The following IQCB1 variants were observed in gnomAD, a reference collection of about 807,000 sequenced individuals.
IQCB1 encodes IQ calmodulin-binding motif-containing protein 1.
IQCB1 carries 56 observed loss-of-function variants against 84.4 expected under a neutral mutation model. The observed-to-expected ratio is 0.66, with a 90% confidence interval of 0.54 to 0.83. IQCB1 has a LOEUF of 0.83. IQCB1 is among the 40% of genes least tolerant of loss of function. The probability of loss-of-function intolerance (pLI) is 0.00; values close to 1 mark genes in which losing one functional copy is unlikely to be tolerated. For synonymous variants in IQCB1, 210 were observed against 234.8 expected (o/e 0.89, Z 0.96); for missense variants, 629 against 682.1 (o/e 0.92, Z 0.87).
chr3:121,782,765 AC>A (rs1222131459), intron 12 of IQCB1, among the ~76,000 whole-genome samples: 1 of 151,754 alleles, frequency 6.6e-6, no homozygotes, highest in Non-Finnish European at 1.5e-5. Flanking sequence ...TGCAACCTCC[AC>A]CCCGCCAGGT....
At chr3:121,793,618 A>G (rs1949076374) in intron 10 of IQCB1, among the ~76,000 whole-genome samples, 1 of 152,264 alleles carries the variant, frequency 6.6e-6, no homozygotes, top group Admixed American at 6.5e-5. Flanking sequence ...ACAGGTTAGA[A>G]CCGCATTTCA....
At chr3:121,796,845 G>C (rs980077238) in intron 9 of IQCB1, among the ~76,000 whole-genome samples, 1 of 151,962 alleles carries the variant, frequency 6.6e-6, no homozygotes. Flanking sequence ...ATACAATTTT[G>C]TAACATTATA....
intron 12 of IQCB1, among the ~76,000 whole-genome samples, chr3:121,787,981 C>A (rs1948805511): frequency 6.6e-6 from 1 of 152,092 alleles, no homozygotes; most frequent in African/African-American, 2.4e-5. Context: ...GATGAGCTGA[C>A]AACAATAAGA....
intron 9 of IQCB1, 59 bp from the exon 10 acceptor site, chr3:121,795,625 AG>A: frequency 1.2e-6 from 1 of 859,780 alleles, no homozygotes; most frequent in Non-Finnish European, 1.9e-6. Flanking sequence ...AAAAAAAAAA[AG>A]TTTACCTCTT....
At chr3:121,782,189 T>TG (rs1948524622) in intron 12 of IQCB1, among the ~76,000 whole-genome samples, 1 of 152,244 alleles carries the variant, frequency 6.6e-6, no homozygotes, top group African/African-American at 2.4e-5. Flanking sequence ...ACTTGATCTC[T>TG]AGAGGACAGG....
chr3:121,799,299 A>T lies in IQCB1; in HGVS notation c.663T>A (p.Thr221=), dbSNP rs767675279. ...LDEVIFKLFS[T]PSPVIRSTAT... The stretch of plus-strand genomic sequence containing the variant: ...CAGTACTTCTTATAACTGGACTAGG[A>T]GTTGAAAAAAGCTTGAAAATAACTT... The change falls in exon 8 of 15, where the codon ACT becomes ACA. Residue 221 remains threonine (T), a synonymous_variant. Transcript: ENST00000310864. The T allele has an allele frequency of 1.2e-6, 2 of 1,606,334 alleles. No homozygotes were observed. Among genetic ancestry groups the T allele is most frequent in the Non-Finnish European group, 1.7e-6 (2 of 1,174,052 alleles).
At chr3:121,820,673 T>C (rs1472365978) in intron 5 of IQCB1, among the ~76,000 whole-genome samples, 1 of 152,198 alleles carries the variant, frequency 6.6e-6, no homozygotes, top group African/African-American at 2.4e-5. Flanking sequence ...TAAACATCTG[T>C]AGGGCCTTGA....
chr3:121,819,202 C>A (rs555456148), intron 5 of IQCB1, among the ~76,000 whole-genome samples: 1 of 152,100 alleles, frequency 6.6e-6, no homozygotes, highest in Non-Finnish European at 1.5e-5. Context: ...AAGCCCTGAG[C>A]GTGTTTTCCT....
chr3:121,790,157 T>C lies in IQCB1; in HGVS notation c.1045A>G (p.Lys349Glu). Residue 349 changes from lysine (K) to glutamate (E), a missense_variant, in exon 11 of 15, where the codon AAA (lysine) becomes GAA (glutamate). Transcript: ENST00000310864. ...TGTCTTTGAAGTTGCAATTGTAATT[T>C]GAGGTCCTCTTCTTCCTTCTGCCTA... ...INRQKEEEDL[K>E]LQLQLQRQRA... 6.2e-7 allele frequency: 1 copy of C among 1,613,630 alleles called. No individual in the cohort carries two copies.
At chr3:121,814,952 C>T (rs1290882370) in intron 5 of IQCB1, among the ~76,000 whole-genome samples, 1 of 151,906 alleles carries the variant, frequency 6.6e-6, no homozygotes, top group Non-Finnish European at 1.5e-5. Flanking sequence ...TCACAGACAC[C>T]ACAAAAAAAG....
chr3:121,778,897 C>T, intron 13 of IQCB1, among the ~76,000 whole-genome samples: 1 of 119,484 alleles, frequency 8.4e-6, no homozygotes. Flanking sequence ...GAAACTCTGT[C>T]TCAAAAAAAA....
rs71133577 is a variant in IQCB1 at position 121,831,179 on chromosome 3, A to ATTTTT, written c.-12-2212_-12-2208dup. Among the ~76,000 whole-genome samples the ATTTTT allele has an allele frequency of 2.5e-3, 321 of 129,598 alleles. 8 individuals are homozygous for ATTTTT. The highest frequency in any genetic ancestry group is 9.1e-3 in the African/African-American group (305 of 33,346). 85.0% of individuals were successfully genotyped at this position (129,598 alleles called of 152,430 possible). ...TGCATCTCTTCATTTGTATCCTAGT[A>ATTTTT]TTTTTTTTTGGAGACAGGATCTCAC... On this transcript the variant is annotated intron_variant, in intron 2 of 14. Coordinates refer to ENST00000310864, the MANE Select transcript of IQCB1 (RefSeq NM_001023570.4).
chr3:121,802,683 T>C (rs113874003), intron 7 of IQCB1, among the ~76,000 whole-genome samples: 2 of 152,262 alleles, frequency 1.3e-5, no homozygotes, highest in Admixed American at 6.5e-5. Flanking sequence ...CCTTTATCAT[T>C]TTCTTTCTTC....
At chr3:121,797,083 A>G in intron 9 of IQCB1, 35 bp downstream of exon 9, 1 of 1,074,616 alleles carries the variant, frequency 9.3e-7, no homozygotes, top group Non-Finnish European at 1.4e-6. Flanking sequence ...TAGTCAGCAA[A>G]TATCATGCAA....
At chr3:121,774,027 TCC>T (rs1195222810) in intron 13 of IQCB1, among the ~76,000 whole-genome samples, 38 of 151,934 alleles carry the variant, frequency 2.5e-4, no homozygotes, top group Admixed American at 1.6e-3. Context: ...GGGATTAATC[TCC>T]ATAATATATA....
At chr3:121,773,724 G>A (rs1251053441) in intron 13 of IQCB1, among the ~76,000 whole-genome samples, 2 of 152,046 alleles carry the variant, frequency 1.3e-5, no homozygotes, top group East Asian at 3.9e-4. Flanking sequence ...AAAAACAGGA[G>A]CATGCATCAG....
At chr3:121,830,747 C>G (rs922291127) in intron 2 of IQCB1, among the ~76,000 whole-genome samples, 2 of 152,154 alleles carry the variant, frequency 1.3e-5, no homozygotes, top group African/African-American at 2.4e-5. Context: ...CTCCTTTCAC[C>G]TGCTCCTTCT....
At chr3:121,781,251 G>C (rs780600482) in intron 13 of IQCB1, among the ~76,000 whole-genome samples, 6 of 152,152 alleles carry the variant, frequency 3.9e-5, no homozygotes, top group Admixed American at 6.6e-5. Context: ...TGTGGTCATA[G>C]AAAGTCAAAG....
At chr3:121,773,894 A>G (rs146491507) in intron 13 of IQCB1, among the ~76,000 whole-genome samples, 323 of 152,156 alleles carry the variant, frequency 2.1e-3, no homozygotes, top group African/African-American at 7.3e-3. Flanking sequence ...AAAAACAACA[A>G]CAAAAACCAG....
Sources: allele counts gnomAD v4.1 joint callset (sites outside exome capture counted in the v4.1 genomes callset), GRCh38; gene constraint gnomAD v4.1.1; transcripts MANE v1.5; gene names NCBI Gene and HGNC (gene_info 2026-07-23, HGNC 2026-07-21).